The following NHSL1 variants were observed in gnomAD, a reference collection of about 807,000 sequenced individuals.
NHSL1 encodes NHS like 1, also known as NHS-like protein 1.
A neutral mutation model predicts 95.0 loss-of-function variants in NHSL1; 48 were observed. The observed-to-expected ratio is 0.51, with a 90% CI of 0.40 to 0.64. The LOEUF (loss-of-function observed/expected upper bound fraction) is 0.64, where lower values mean the gene tolerates loss of function less well. NHSL1 is among the 30% of genes least tolerant of loss of function. The probability of loss-of-function intolerance (pLI) is 0.00; values close to 1 mark genes in which losing one functional copy is unlikely to be tolerated. For synonymous variants in NHSL1, 783 were observed against 833.9 expected (o/e 0.94, Z 1.05); for missense variants, 1,971 against 2,077.7 (o/e 0.95, Z 1.00).
intron 3 of NHSL1, among the ~76,000 whole-genome samples, chr6:138,466,485 G>T (rs1320528851): frequency 6.6e-6 from 1 of 152,184 alleles, no homozygotes; most frequent in Non-Finnish European, 1.5e-5. Flanking sequence ...TCACCTCTAT[G>T]CTGAGTAAGG....
chr6:138,564,929 G>C (rs1783552255), intron 1 of NHSL1, among the ~76,000 whole-genome samples: 1 of 152,310 alleles, frequency 6.6e-6, no homozygotes, highest in Non-Finnish European at 1.5e-5. Context: ...GAATAAGAGG[G>C]AACGGGAGGT....
chr6:138,690,364 TAGTC>T (rs1454029019), intron 1 of NHSL1, among the ~76,000 whole-genome samples: 1 of 152,158 alleles, frequency 6.6e-6, no homozygotes, highest in Non-Finnish European at 1.5e-5. Flanking sequence ...AATGTCTTGA[TAGTC>T]AGCTTTCTTC....
intron 1 of NHSL1, among the ~76,000 whole-genome samples, chr6:138,616,488 G>C (rs72975297): frequency 0.012 from 1,864 of 152,132 alleles, 22 homozygotes; most frequent in Non-Finnish European, 0.017. Context: ...ATAGAGAAAG[G>C]GGGAGGAAGA....
chr6:138,679,959 G>A (rs1346338275), intron 1 of NHSL1, among the ~76,000 whole-genome samples: 1 of 152,032 alleles, frequency 6.6e-6, no homozygotes, highest in East Asian at 1.9e-4. Flanking sequence ...AAAAAAGAGA[G>A]AAAATGAAGC....
exon 1 of NHSL1, chr6:138,572,180 A>T: frequency 2.6e-6 from 1 of 389,828 alleles, no homozygotes; most frequent in South Asian, 4.7e-5. Flanking sequence ...CGGCCAAAAA[A>T]TAATAAACAA....
intron 3 of NHSL1, among the ~76,000 whole-genome samples, chr6:138,456,270 A>T (rs1777606549): frequency 6.6e-6 from 1 of 152,172 alleles, no homozygotes; most frequent in Non-Finnish European, 1.5e-5. Flanking sequence ...AAAGCAACTT[A>T]TCCAAGGCCA....
At chr6:138,513,093 G>C (rs1781305616) in intron 1 of NHSL1, among the ~76,000 whole-genome samples, 1 of 152,308 alleles carries the variant, frequency 6.6e-6, no homozygotes, top group East Asian at 1.9e-4. Context: ...AGCTCCTGGA[G>C]GGCCAGAGCC....
At chr6:138,559,017 C>A (rs1783309729) in intron 1 of NHSL1, among the ~76,000 whole-genome samples, 1 of 151,904 alleles carries the variant, frequency 6.6e-6, no homozygotes, top group South Asian at 2.1e-4. Flanking sequence ...CCACTGCACT[C>A]CAGCCTGGAC....
intron 1 of NHSL1, among the ~76,000 whole-genome samples, chr6:138,612,381 C>T (rs1392268935): frequency 2.0e-5 from 3 of 151,724 alleles, no homozygotes; most frequent in Admixed American, 6.6e-5. Flanking sequence ...ACTAAGTGCC[C>T]GGGGAAGGAT....
chr6:138,536,068 G>A (rs932764715), intron 1 of NHSL1, among the ~76,000 whole-genome samples: 1 of 152,226 alleles, frequency 6.6e-6, no homozygotes, highest in Non-Finnish European at 1.5e-5. Flanking sequence ...GGGAAAATTA[G>A]AGTAAAGGAA....
At chr6:138,553,603 T>C (rs9495124) in intron 1 of NHSL1, among the ~76,000 whole-genome samples, 8,767 of 152,252 alleles carry the variant, frequency 0.058, 823 homozygotes, top group African/African-American at 0.2. Flanking sequence ...AGCAAATCAT[T>C]AGTGGAAAGT....
intron 5 of NHSL1, chr6:138,435,342 G>C (rs1776004889): frequency 1.3e-5 from 2 of 153,052 alleles, no homozygotes; most frequent in South Asian, 4.1e-4. Flanking sequence ...TTTTTGCATG[G>C]AGTTAGTGGT....
intron 2 of NHSL1, among the ~76,000 whole-genome samples, chr6:138,494,323 A>G (rs766403639): frequency 1.4e-4 from 22 of 152,356 alleles, no homozygotes; most frequent in Non-Finnish European, 2.6e-4. Flanking sequence ...TAAAGGCAGT[A>G]TAGTGTAGCA....
intron 2 of NHSL1, among the ~76,000 whole-genome samples, chr6:138,481,779 T>C (rs1017521175): frequency 3.0e-4 from 46 of 152,332 alleles, no homozygotes; most frequent in African/African-American, 1.1e-3. Flanking sequence ...TATAACAGCA[T>C]AAAAGCATGC....
At chr6:138,619,822 C>T (rs1784629676) in intron 1 of NHSL1, among the ~76,000 whole-genome samples, 1 of 151,996 alleles carries the variant, frequency 6.6e-6, no homozygotes, top group South Asian at 2.1e-4. Flanking sequence ...GGGGCATATG[C>T]CTGTAGTCCC....
chr6:138,451,595 T>C (rs566067570), intron 3 of NHSL1, among the ~76,000 whole-genome samples: 2 of 152,344 alleles, frequency 1.3e-5, no homozygotes, highest in Non-Finnish European at 2.9e-5. Flanking sequence ...GCTATATGCC[T>C]TGCCCTTGGT....
Position 138,692,370 on chromosome 6 carries a change from G to T in NHSL1, c.96+106C>A, listed in dbSNP as rs1417635038. On this transcript the variant is annotated intron_variant, in intron 1 of 3. Transcript: ENST00000491526. The surrounding 1 kb of genome is among the most constrained non-coding windows in gnomAD (Gnocchi z 4.0). Reference sequence around the variant, plus strand: ...CCACTGGAGACCCCGACATCGCGGGGCTCCGCGGCCCCCGCGCCGACCCAG... The same window carrying T: ...CCACTGGAGACCCCGACATCGCGGGTCTCCGCGGCCCCCGCGCCGACCCAG... The T allele has an allele frequency of 3.3e-6, 1 of 307,180 alleles. No homozygotes were observed. The highest frequency in any genetic ancestry group is 8.9e-5 in the East Asian group (1 of 11,286). The allele number at this position is 307,180 out of a possible 1,614,324, so 19.0% of individuals were successfully genotyped here.
At chr6:138,504,087 T>C (rs1238743451), upstream of NHSL1, among the ~76,000 whole-genome samples, 1 of 148,372 alleles carries the variant, frequency 6.7e-6, no homozygotes, top group African/African-American at 2.5e-5. Context: ...AAAAAAATAT[T>C]AGCCCGGTGT....
intron 1 of NHSL1, chr6:138,691,765 G>A (rs1181705684): frequency 2.7e-6 from 1 of 375,988 alleles, no homozygotes; most frequent in Non-Finnish European, 5.3e-6. Flanking sequence ...TCACCGGAGA[G>A]ATCACTATAT....
Sources: allele counts gnomAD v4.1 joint callset (sites outside exome capture counted in the v4.1 genomes callset), GRCh38; gene constraint gnomAD v4.1.1; non-coding constraint Gnocchi (gnomAD v3.1); transcripts MANE v1.5; gene names NCBI Gene and HGNC (gene_info 2026-07-23, HGNC 2026-07-21).